The following GAS7 variants were observed in gnomAD, a reference collection of about 807,000 sequenced individuals.
GAS7 encodes growth arrest-specific protein 7.
In GAS7, 28 loss-of-function variants were observed where a neutral mutation model predicts 71.1. The ratio of observed to expected loss-of-function variants is 0.39; its 90% CI spans 0.29 to 0.54. The LOEUF (loss-of-function observed/expected upper bound fraction) is 0.54. GAS7 is among the 20% of genes least tolerant of loss of function. The probability of loss-of-function intolerance (pLI) is 0.62; values close to 1 mark genes in which losing one functional copy is unlikely to be tolerated. For missense variants in GAS7, 436 were observed against 627.8 expected (o/e 0.69, Z 3.27); for synonymous variants, 258 against 245.8 (o/e 1.05, Z -0.46).
In GAS7 at chr17:9,999,305, G is replaced by A. The variant is rs1420779559; in HGVS notation, c.305-17421C>T. ...GGCCGAGGCAGGTGGAACACTTGAG[G>A]TCAGGAGTTCGACACCAGCCTGGCC... On this transcript the variant is annotated intron_variant, in intron 2 of 13. Transcript: ENST00000432992. Among the ~76,000 whole-genome samples the A allele has an allele frequency of 2.0e-5, 3 of 152,108 alleles. No homozygotes were observed. The East Asian group carries it at 5.8e-4, about 29-fold the overall frequency.
intron 1 of GAS7, among the ~76,000 whole-genome samples, chr17:10,065,284 T>A (rs999634884): frequency 6.6e-6 from 1 of 152,244 alleles, no homozygotes; most frequent in East Asian, 1.9e-4. Context: ...TCCAAAGATA[T>A]CTGCATTTCT....
Position 10,059,725 on chromosome 17 carries a change from A to T in GAS7, c.184-39828T>A, listed in dbSNP as rs186298890. The T allele has an allele frequency of 7.1e-6, 7 of 985,238 alleles. No individual in the cohort carries two copies. In the East Asian group the frequency reaches 6.8e-4, roughly 96 times the overall value. The allele number at this position is 985,238 out of a possible 1,614,324, so 61.0% of individuals were successfully genotyped here. On this transcript the variant is annotated intron_variant, in intron 1 of 13. Coordinates refer to ENST00000432992, the MANE Select transcript of GAS7 (RefSeq NM_201433.2). ...TGTGGTGTGTCCTTATGCAAATCTG[A>T]CACGCTGGTCATTTTCTGCCACCAT...
chr17:10,024,908 C>T (rs997897937), intron 1 of GAS7, among the ~76,000 whole-genome samples: 23 of 152,284 alleles, frequency 1.5e-4, no homozygotes, highest in African/African-American at 4.6e-4. Flanking sequence ...CTGTACCCAT[C>T]GATAATGACT....
At chr17:10,155,581 C>T (rs1283498503) in intron 1 of GAS7, among the ~76,000 whole-genome samples, 1 of 152,132 alleles carries the variant, frequency 6.6e-6, no homozygotes, top group African/African-American at 2.4e-5. Context: ...CATTTCCCAC[C>T]GCTATGTCAG....
chr17:10,147,073 TAAGTC>T (rs1024650309), intron 1 of GAS7, among the ~76,000 whole-genome samples: 5 of 152,152 alleles, frequency 3.3e-5, no homozygotes, highest in Non-Finnish European at 7.3e-5. Flanking sequence ...ATTTACCTAT[TAAGTC>T]AAGAATTACA....
chr17:10,020,029 GA>G lies in GAS7; in HGVS notation c.184-133del. 4.8e-6 allele frequency: 4 copies of G among 829,764 alleles called. No individual in the cohort carries two copies. In the South Asian group the frequency reaches 6.3e-5, roughly 13 times the overall value. The allele number at this position is 829,764 out of a possible 1,614,324, so 51.4% of individuals were successfully genotyped here. A position where few individuals can be genotyped will look rare whatever the true frequency, so the allele number is the denominator to read the frequency against. ...GGAAGTCTGCGGCCCATAAACCCCTGAGGTCAGAGGCAGCACACACGTGACC... is the reference window on the plus strand; with the variant it reads ...GGAAGTCTGCGGCCCATAAACCCCTGGGTCAGAGGCAGCACACACGTGACC... On this transcript the variant is annotated intron_variant, in intron 1 of 13. Coordinates refer to ENST00000432992, the MANE Select transcript of GAS7 (RefSeq NM_201433.2).
intron 8 of GAS7, among the ~76,000 whole-genome samples, chr17:9,939,733 C>T (rs2068531411): frequency 6.6e-6 from 1 of 152,134 alleles, no homozygotes; most frequent in African/African-American, 2.4e-5. Context: ...CCTCAGCCTC[C>T]CAAGTAGCTG....
chr17:9,947,308 C>T (rs1217676989), intron 5 of GAS7, among the ~76,000 whole-genome samples: 4 of 152,160 alleles, frequency 2.6e-5, no homozygotes, highest in African/African-American at 9.7e-5. Context: ...CATCCACACA[C>T]GCTTTTTCAC....
intron 1 of GAS7, among the ~76,000 whole-genome samples, chr17:10,134,412 T>C (rs886538688): frequency 5.3e-5 from 8 of 152,222 alleles, no homozygotes; most frequent in South Asian, 2.1e-4. Flanking sequence ...GCCTCTTCCA[T>C]ATAGATTTTA....
chr17:10,021,651 A>G (rs1481661711), intron 1 of GAS7, among the ~76,000 whole-genome samples: 4 of 152,208 alleles, frequency 2.6e-5, no homozygotes, highest in Non-Finnish European at 4.4e-5. Flanking sequence ...GACAGCAGCC[A>G]GGATCAACAC....
rs542831121 is a variant in GAS7 at position 10,102,027 on chromosome 17, C to G, written c.184-82130G>C. ...GCCCATGCATAAGGTAATCCAGACA[C>G]CCCAAGGAGCTCTGAACAGTGGGCC... On this transcript the variant is annotated intron_variant, in intron 1 of 13. Transcript: ENST00000432992. Among the ~76,000 whole-genome samples, 7 of 152,104 alleles carry G rather than the reference C, an allele frequency of 4.6e-5. No individual in the cohort carries two copies. In the South Asian group the frequency reaches 1.2e-3, roughly 27 times the overall value.
At chr17:10,146,944 G>A (rs2074125899) in intron 1 of GAS7, among the ~76,000 whole-genome samples, 2 of 119,052 alleles carry the variant, frequency 1.7e-5, no homozygotes, top group African/African-American at 5.5e-5. Flanking sequence ...TCGCGCCAGA[G>A]CGAGACTCCG....
At chr17:10,171,396 G>A (rs558768481) in intron 1 of GAS7, among the ~76,000 whole-genome samples, 14 of 152,260 alleles carry the variant, frequency 9.2e-5, no homozygotes, top group Non-Finnish European at 1.5e-4. Context: ...CCTTAAATCA[G>A]GTCTTCGGGT....
At chr17:10,163,271 C>T (rs1258301474) in intron 1 of GAS7, among the ~76,000 whole-genome samples, 5 of 151,868 alleles carry the variant, frequency 3.3e-5, no homozygotes, top group Admixed American at 6.6e-5. Context: ...CCAACACGCC[C>T]GCTAATTTTT....
At chr17:9,975,644 G>C (rs1310097516) in intron 3 of GAS7, among the ~76,000 whole-genome samples, 1 of 151,940 alleles carries the variant, frequency 6.6e-6, no homozygotes, top group African/African-American at 2.4e-5. Context: ...AATTCTGCCA[G>C]ATGTGTATTG....
At chr17:10,032,885 C>T (rs2072655992) in intron 1 of GAS7, among the ~76,000 whole-genome samples, 1 of 152,140 alleles carries the variant, frequency 6.6e-6, no homozygotes, top group Non-Finnish European at 1.5e-5. Context: ...ACCAACAAAG[C>T]GAAGTGATAT....
At chr17:10,056,936 C>T (rs1028333362) in intron 1 of GAS7, among the ~76,000 whole-genome samples, 5 of 152,058 alleles carry the variant, frequency 3.3e-5, no homozygotes, top group Non-Finnish European at 7.4e-5. Flanking sequence ...ATTGCAGGCG[C>T]GCGCCACCAC....
intron 1 of GAS7, among the ~76,000 whole-genome samples, chr17:10,052,843 C>T (rs12150362): frequency 0.12 from 18,652 of 152,180 alleles, 1,282 homozygotes; most frequent in East Asian, 0.17. Context: ...TCTCCTCCCC[C>T]GTGCACAGCC....
Position 9,943,129 on chromosome 17 carries a change from G to A in GAS7, c.723C>T (p.Ile241=). ...KQMQKEMSEF[I]RERIKIEEDY... Reference sequence around the variant, plus strand: ...AGGGGCCCAGGCTTCACCTTTCCCGGATGAATTCTGACATTTCCTTCTGCA... The same window carrying A: ...AGGGGCCCAGGCTTCACCTTTCCCGAATGAATTCTGACATTTCCTTCTGCA... Residue 241 remains isoleucine, a synonymous_variant, in exon 7 of 14, where the codon ATC becomes ATT. Transcript: ENST00000432992. 6.2e-7 allele frequency: 1 copy of A among 1,604,964 alleles called. No homozygotes were observed. The highest frequency in any genetic ancestry group is 8.5e-7 in the Non-Finnish European group (1 of 1,171,586).
Sources: gnomAD v4.1 joint callset for allele counts (sites outside exome capture counted in the v4.1 genomes callset) on GRCh38, gnomAD v4.1.1 for gene constraint, MANE v1.5 for transcripts, NCBI Gene and HGNC (gene_info 2026-07-23, HGNC 2026-07-21) for gene names.